The following SPOCK2 variants were observed in gnomAD, a reference collection of about 807,000 sequenced individuals.
The protein encoded by SPOCK2 is SPARC (osteonectin), cwcv and kazal like domains proteoglycan 2.
In SPOCK2, 39 loss-of-function variants were observed where a neutral mutation model predicts 60.1. The observed-to-expected ratio is 0.65, with a 90% CI of 0.50 to 0.85. The LOEUF (loss-of-function observed/expected upper bound fraction) is 0.85, where lower values mean the gene tolerates loss of function less well. Ranked by LOEUF, SPOCK2 falls within the 40% of genes least tolerant of loss-of-function variation. The pLI, the probability that SPOCK2 is intolerant of heterozygous loss-of-function variation, is 0.00. For missense variants in SPOCK2, 523 were observed against 567.4 expected (o/e 0.92, Z 0.80); for synonymous variants, 217 against 231.5 (o/e 0.94, Z 0.57).
At chr10:72,076,352 T>C (rs543633693) in intron 1 of SPOCK2, among the ~76,000 whole-genome samples, 1 of 152,296 alleles carries the variant, frequency 6.6e-6, no homozygotes, top group South Asian at 2.1e-4. Flanking sequence ...GTGTTGGGTG[T>C]CTATTTATGG....
chr10:72,082,139 G>A (rs928202488), intron 1 of SPOCK2, among the ~76,000 whole-genome samples: 3 of 152,222 alleles, frequency 2.0e-5, no homozygotes, highest in Non-Finnish European at 2.9e-5. Context: ...CTATGAGGCA[G>A]CATCCAACCT....
intron 2 of SPOCK2, 169 bp downstream of exon 2, chr10:72,072,733 C>A (rs1288190533): frequency 4.4e-6 from 6 of 1,353,002 alleles, no homozygotes; most frequent in South Asian, 1.3e-5. Context: ...TCCCTATAAA[C>A]CCATGTCCAG....
At chr10:72,077,438 CT>C (rs1315417033) in intron 1 of SPOCK2, among the ~76,000 whole-genome samples, 2 of 152,112 alleles carry the variant, frequency 1.3e-5, no homozygotes, top group East Asian at 1.9e-4. Flanking sequence ...CCCCAAGGAG[CT>C]TTTTAAACCT....
At position 72,088,129 on chromosome 10, in the gene SPOCK2, T is replaced by G. The variant is rs1479665666; in HGVS notation, c.189+11A>C. On this transcript the variant is annotated intron_variant, in intron 1 of 10. Coordinates refer to ENST00000373109, the MANE Select transcript of SPOCK2 (RefSeq NM_001244950.2). ...CCCCGGGTCTCTGCCTTGGCAGCCC[T>G]GCGGACTCACGTCTCGGAAGCGGTT... 1.2e-6 allele frequency: 2 copies of G among 1,611,624 alleles called. No individual in the cohort carries two copies. The highest frequency in any genetic ancestry group is 4.5e-5 in the East Asian group (2 of 44,824).
At chr10:72,068,990 C>T (rs1678627) in intron 5 of SPOCK2, 47,219 of 152,370 alleles carry the variant, frequency 0.31, 7,970 homozygotes, top group Middle Eastern at 0.46. Flanking sequence ...AACAGCAAGG[C>T]GCACAGAGGC....
intron 1 of SPOCK2, 72 bp from the exon 2 acceptor site, chr10:72,072,982 C>A: frequency 6.5e-7 from 1 of 1,548,932 alleles, no homozygotes; most frequent in Non-Finnish European, 8.7e-7. Context: ...ATGGGGATAT[C>A]AGTGTGAGGC....
At chr10:72,066,850 G>A (rs1840574749) in intron 8 of SPOCK2, 52 bp downstream of exon 8, 44 of 1,603,134 alleles carry the variant, frequency 2.7e-5, no homozygotes, top group South Asian at 1.8e-4. Flanking sequence ...CTGGAACTTC[G>A]GGTAGAGCCC....
At chr10:72,068,150 C>A (rs1840596680) in intron 6 of SPOCK2, 37 bp downstream of exon 6, 1 of 1,581,750 alleles carries the variant, frequency 6.3e-7, no homozygotes, top group Non-Finnish European at 8.6e-7. Flanking sequence ...GGTGGCCCTT[C>A]AGCACCCCTA....
At chr10:72,082,535 C>A (rs1276821427) in intron 1 of SPOCK2, among the ~76,000 whole-genome samples, 1 of 152,056 alleles carries the variant, frequency 6.6e-6, no homozygotes, top group Non-Finnish European at 1.5e-5. Flanking sequence ...CAGGGTAGGG[C>A]CCTCATGATG....
chr10:72,072,806 G>A, intron 2 of SPOCK2, 96 bp downstream of exon 2: 5 of 1,535,638 alleles, frequency 3.3e-6, no homozygotes, highest in Admixed American at 2.0e-5. Flanking sequence ...AGGCTGGCAG[G>A]GAAGGCAAGT....
chr10:72,067,619 C>T lies in SPOCK2; in HGVS notation c.703G>A (p.Ala235Thr). The change falls in exon 7 of 11, where the codon GCC becomes ACC. Residue 235 changes from alanine to threonine, a missense_variant. Physicochemically the swap from Ala to Thr is moderately conservative, Grantham distance 58. Transcript: ENST00000373109. ...AGAGCAGCAAGCTTCCTACCGCTGGCCGGGCCGGCTACACTGCTGGCTGAG... is the reference window on the plus strand; with the variant it reads ...AGAGCAGCAAGCTTCCTACCGCTGGTCGGGCCGGCTACACTGCTGGCTGAG... ...NGSASSVAGPASGLDKSLGAS... is the reference protein window; with the variant it reads ...NGSASSVAGPTSGLDKSLGAS... 1 of 1,612,732 alleles carries T rather than the reference C, an allele frequency of 6.2e-7. No homozygotes were observed. The highest frequency in any genetic ancestry group is 8.5e-7 in the Non-Finnish European group (1 of 1,179,992).
At chr10:72,066,771 G>T in intron 8 of SPOCK2, 131 bp downstream of exon 8, 1 of 1,003,666 alleles carries the variant, frequency 1.0e-6, no homozygotes, top group Non-Finnish European at 1.5e-6. Flanking sequence ...GCAGGAAGTG[G>T]GCAAGCTGGG....
chr10:72,066,172 C>T (rs759489238), intron 8 of SPOCK2, among the ~76,000 whole-genome samples: 6 of 152,192 alleles, frequency 3.9e-5, no homozygotes, highest in Non-Finnish European at 7.4e-5. Context: ...CTGATGACAA[C>T]GTATGTAATC....
chr10:72,064,195 G>C lies in SPOCK2; in HGVS notation c.974C>G (p.Ala325Gly), dbSNP rs768969421. The change falls in exon 9 of 11, where the codon GCC (alanine) becomes GGC (glycine). Residue 325 changes from alanine (A) to glycine (G), a missense_variant. Transcript: ENST00000373109. ...CCCCTCACCTGGCTTCTTCTTGGCG[G>C]CCTCCTGGATCTGGATGCGCTCCAG... ...AELERIQIQE[A>G]AKKKPGIFIP... 15 of 1,611,444 alleles carry C rather than the reference G, an allele frequency of 9.3e-6. No individual in the cohort carries two copies. The highest frequency in any genetic ancestry group is 3.4e-6 in the Non-Finnish European group (4 of 1,179,202).
chr10:72,074,031 T>C (rs1325216799), intron 1 of SPOCK2, among the ~76,000 whole-genome samples: 1 of 151,896 alleles, frequency 6.6e-6, no homozygotes, highest in East Asian at 1.9e-4. Context: ...GAGAGGGGCA[T>C]GAGAAGCTAC....
At chr10:72,078,122 C>T (rs1198981058) in intron 1 of SPOCK2, among the ~76,000 whole-genome samples, 1 of 152,188 alleles carries the variant, frequency 6.6e-6, no homozygotes, top group East Asian at 1.9e-4. Flanking sequence ...ACAGAGAATT[C>T]TGACATCTTT....
chr10:72,082,618 C>T (rs572857773), intron 1 of SPOCK2, among the ~76,000 whole-genome samples: 78 of 151,830 alleles, frequency 5.1e-4, no homozygotes, highest in Non-Finnish European at 9.0e-4. Flanking sequence ...CTTTGGGAGG[C>T]GGAGGGGGGT....
chr10:72,076,532 G>A (rs1840716989), intron 1 of SPOCK2, among the ~76,000 whole-genome samples: 1 of 152,148 alleles, frequency 6.6e-6, no homozygotes, highest in Non-Finnish European at 1.5e-5. Flanking sequence ...GTATTGCATG[G>A]TGCTTATATA....
At chr10:72,076,585 T>TA (rs1264187566) in intron 1 of SPOCK2, among the ~76,000 whole-genome samples, 5 of 152,172 alleles carry the variant, frequency 3.3e-5, no homozygotes, top group Admixed American at 6.5e-5. Flanking sequence ...GCTTTTAATT[T>TA]AAAAAAATGT....
Sources: gnomAD v4.1 joint callset for allele counts (sites outside exome capture counted in the v4.1 genomes callset) on GRCh38, gnomAD v4.1.1 for gene constraint, MANE v1.5 for transcripts, NCBI Gene and HGNC (gene_info 2026-07-23, HGNC 2026-07-21) for gene names.